Variants in ZNF267 observed in about 807,000 individuals in gnomAD.
The protein encoded by ZNF267 is zinc finger (C2H2).
In ZNF267, 61 loss-of-function variants were observed where a neutral mutation model predicts 71.6. The observed-to-expected ratio is 0.85, with a 90% confidence interval of 0.69 to 1.05. The LOEUF is 1.05. Ranked by LOEUF, ZNF267 falls within the 50% of genes least tolerant of loss-of-function variation. The pLI, the probability that ZNF267 is intolerant of heterozygous loss-of-function variation, is 0.00. For missense variants in ZNF267, 852 were observed against 870.0 expected, an observed-to-expected ratio of 0.98 and a Z score of 0.26; for synonymous variants, 288 against 293.2, an observed-to-expected ratio of 0.98 and a Z score of 0.18.
rs1223099843 is a variant in ZNF267 at position 31,884,519 on chromosome 16, G to A, written c.25G>A (p.Val9Met). 6.2e-7 allele frequency: 1 copy of A among 1,614,058 alleles called. No individual in the cohort carries two copies. Among genetic ancestry groups the A allele is most frequent in the Admixed American group, 1.7e-5 (1 of 60,002 alleles). The change falls in exon 2 of 4, where the codon GTG becomes ATG. Residue 9 changes from valine (V) to methionine (M), a missense_variant. Coordinates refer to ENST00000300870, the MANE Select transcript of ZNF267 (RefSeq NM_003414.6). MGLLTFRDVAVEFSLEEWE... is the reference protein window; with the variant it reads MGLLTFRDMAVEFSLEEWE... ...TCAGGGACTGTTGACATTCAGGGAT[G>A]TGGCCGTAGAATTCTCTTTGGAGGA... is the stretch of plus-strand genomic sequence containing the variant.
At chr16:31,906,445 G>A (rs551176270) in intron 3 of ZNF267, among the ~76,000 whole-genome samples, 6 of 152,312 alleles carry the variant, frequency 3.9e-5, no homozygotes, top group East Asian at 1.9e-4. Flanking sequence ...CTTCCGGACC[G>A]CTTTGTTTAC....
At chr16:31,885,653 T>C (rs779463388) in intron 3 of ZNF267, among the ~76,000 whole-genome samples, 1 of 152,164 alleles carries the variant, frequency 6.6e-6, no homozygotes, top group African/African-American at 2.4e-5. Flanking sequence ...TGATGGACAG[T>C]GGAATTTTTT....
intron 3 of ZNF267, chr16:31,895,005 C>T (rs568769389): frequency 4.1e-5 from 13 of 316,556 alleles, no homozygotes; most frequent in East Asian, 2.9e-4. Flanking sequence ...TATGAAACTG[C>T]GTCTGGCTGT....
chr16:31,890,294 G>A (rs1301879167), intron 3 of ZNF267: 2 of 152,046 alleles, frequency 1.3e-5, no homozygotes, highest in African/African-American at 4.8e-5. Context: ...TCCAGTGTTG[G>A]GTGCATACAT....
At chr16:31,907,359 TC>T (rs1340200073) in intron 3 of ZNF267, among the ~76,000 whole-genome samples, 1 of 152,188 alleles carries the variant, frequency 6.6e-6, no homozygotes, top group African/African-American at 2.4e-5. Flanking sequence ...GGCTCTTTTT[TC>T]CTTCATTTTT....
chr16:31,883,727 A>G (rs1411024961), intron 1 of ZNF267, among the ~76,000 whole-genome samples: 1 of 152,252 alleles, frequency 6.6e-6, no homozygotes, highest in Non-Finnish European at 1.5e-5. Context: ...TTCAAAAAGG[A>G]TTACTACCAT....
intron 1 of ZNF267, among the ~76,000 whole-genome samples, chr16:31,876,109 T>C (rs1314349618): frequency 1.3e-5 from 2 of 152,248 alleles, no homozygotes; most frequent in African/African-American, 4.8e-5. Context: ...GGTAAATTGG[T>C]GAATTACATA....
intron 3 of ZNF267, among the ~76,000 whole-genome samples, chr16:31,888,103 A>AT (rs2083935940): frequency 6.6e-6 from 1 of 151,848 alleles, no homozygotes; most frequent in Non-Finnish European, 1.5e-5. Flanking sequence ...AAATGAAGTT[A>AT]TAAAATTTAA....
At chr16:31,893,689 T>C (rs2083976760) in intron 3 of ZNF267, among the ~76,000 whole-genome samples, 1 of 152,232 alleles carries the variant, frequency 6.6e-6, no homozygotes, top group South Asian at 2.1e-4. Context: ...AGGTTAAGCA[T>C]AACTGCTCCT....
chr16:31,892,407 C>G (rs1294548266), intron 3 of ZNF267, among the ~76,000 whole-genome samples: 1 of 152,176 alleles, frequency 6.6e-6, no homozygotes, highest in Non-Finnish European at 1.5e-5. Context: ...CACAGCCAAA[C>G]CATATCATTC....
At chr16:31,894,946 A>G in intron 3 of ZNF267, 1 of 353,298 alleles carries the variant, frequency 2.8e-6, no homozygotes, top group Non-Finnish European at 5.6e-6. Context: ...TCAGTGTGTT[A>G]AGAAGACAGC....
chr16:31,910,291 TCCTC>T (rs987304054), intron 3 of ZNF267, among the ~76,000 whole-genome samples: 1 of 151,768 alleles, frequency 6.6e-6, no homozygotes, highest in African/African-American at 2.4e-5. Context: ...AAGTATTCCT[TCCTC>T]CTGTGTTTTG....
At chr16:31,914,216 TC>T (rs1326346676) in intron 3 of ZNF267, 1 of 392,990 alleles carries the variant, frequency 2.5e-6, no homozygotes, top group African/African-American at 2.1e-5. Context: ...TGAACAGATT[TC>T]TCCCCGCCAT....
intron 3 of ZNF267, among the ~76,000 whole-genome samples, chr16:31,894,263 A>G (rs2083980986): frequency 6.6e-6 from 1 of 152,258 alleles, no homozygotes; most frequent in Non-Finnish European, 1.5e-5. Context: ...CAGCTCTGTC[A>G]CATGACTGGA....
intron 3 of ZNF267, among the ~76,000 whole-genome samples, chr16:31,888,640 A>G (rs2083939766): frequency 6.6e-6 from 1 of 151,714 alleles, no homozygotes; most frequent in African/African-American, 2.4e-5. Flanking sequence ...GTATGTTAAA[A>G]CATTCTTGCA....
chr16:31,896,551 A>G (rs2084000667), intron 3 of ZNF267, among the ~76,000 whole-genome samples: 2 of 152,194 alleles, frequency 1.3e-5, no homozygotes, highest in Admixed American at 1.3e-4. Context: ...TCTTTTCCCC[A>G]AAGTGTATTC....
chr16:31,879,375 G>A (rs911144583), intron 1 of ZNF267, among the ~76,000 whole-genome samples: 3 of 152,218 alleles, frequency 2.0e-5, no homozygotes, highest in African/African-American at 7.2e-5. Context: ...TTAGCAGGTT[G>A]CCTATCATTC....
At chr16:31,880,461 A>G (rs1018017399) in intron 1 of ZNF267, among the ~76,000 whole-genome samples, 16 of 152,178 alleles carry the variant, frequency 1.1e-4, no homozygotes, top group Non-Finnish European at 2.4e-4. Context: ...GGTATAGGTA[A>G]TAACATATCT....
chr16:31,906,498 T>A (rs537022380), intron 3 of ZNF267, among the ~76,000 whole-genome samples: 2 of 152,298 alleles, frequency 1.3e-5, no homozygotes, highest in East Asian at 3.9e-4. Flanking sequence ...CCCCCAGCCT[T>A]GCTGCCACCT....
Sources: gnomAD v4.1 joint callset for allele counts (sites outside exome capture counted in the v4.1 genomes callset) on GRCh38, gnomAD v4.1.1 for gene constraint, MANE v1.5 for transcripts, NCBI Gene and HGNC (gene_info 2026-07-23, HGNC 2026-07-21) for gene names.